The following ANO6 variants were observed in gnomAD, a reference collection of about 807,000 sequenced individuals.
The protein encoded by ANO6 is anoctamin-6.
Under a neutral mutation model 117.5 loss-of-function variants are expected in ANO6, and 106 were observed. That is an observed-to-expected ratio of 0.90 (90% CI 0.77 to 1.06). The LOEUF (loss-of-function observed/expected upper bound fraction) is 1.06. Among genes scored for constraint, ANO6 ranks in the 50% least tolerant of loss-of-function variants. ANO6 has a pLI of 0.00. For synonymous variants in ANO6, 367 were observed against 385.1 expected, an observed-to-expected ratio of 0.95 and a Z score of 0.55; for missense variants, 955 against 1,121.1, an observed-to-expected ratio of 0.85 and a Z score of 2.12.
intron 13 of ANO6, 56 bp from the exon 14 acceptor site, chr12:45,403,016 G>T (rs927069277): frequency 6.7e-7 from 1 of 1,498,374 alleles, no homozygotes; most frequent in Admixed American, 1.7e-5. Flanking sequence ...TTTTTTATTA[G>T]AGTCTCAAAG....
At chr12:45,332,793 T>C (rs1272941162) in intron 3 of ANO6, among the ~76,000 whole-genome samples, 1 of 152,012 alleles carries the variant, frequency 6.6e-6, no homozygotes, top group African/African-American at 2.4e-5. Context: ...AATATCAACA[T>C]AGATAAATGG....
intron 1 of ANO6, among the ~76,000 whole-genome samples, chr12:45,232,951 G>C (rs1947595350): frequency 6.6e-6 from 1 of 152,198 alleles, no homozygotes; most frequent in Non-Finnish European, 1.5e-5. Context: ...GAGGAAGAAA[G>C]AGAGGGAGCA....
At chr12:45,416,617 C>A in intron 16 of ANO6, 82 bp from the exon 17 acceptor site, 1 of 1,355,830 alleles carries the variant, frequency 7.4e-7, no homozygotes, top group Non-Finnish European at 1.0e-6. Context: ...AGTTCGTTTG[C>A]CTTTCTCTTT....
At chr12:45,395,609 C>T (rs758461113) in intron 12 of ANO6, among the ~76,000 whole-genome samples, 4 of 152,092 alleles carry the variant, frequency 2.6e-5, no homozygotes, top group Non-Finnish European at 5.9e-5. Context: ...ACTGGCAAAC[C>T]GAATCCAGCA....
intron 2 of ANO6, among the ~76,000 whole-genome samples, chr12:45,322,453 A>G (rs1940312378): frequency 6.6e-6 from 1 of 152,194 alleles, no homozygotes. Context: ...AATGTGGCCT[A>G]TAATCAGATT....
chr12:45,364,066 G>A (rs1941623414), intron 8 of ANO6, among the ~76,000 whole-genome samples: 1 of 152,204 alleles, frequency 6.6e-6, no homozygotes, highest in Non-Finnish European at 1.5e-5. Flanking sequence ...GGGTTTGCTG[G>A]ATATAGAATA....
intron 2 of ANO6, among the ~76,000 whole-genome samples, chr12:45,328,295 C>G (rs1288787189): frequency 6.6e-6 from 1 of 152,126 alleles, no homozygotes; most frequent in East Asian, 1.9e-4. Flanking sequence ...CTTTCCTCCC[C>G]ACCCCAGCTT....
At chr12:45,273,065 A>C (rs1938439813) in intron 1 of ANO6, among the ~76,000 whole-genome samples, 1 of 152,236 alleles carries the variant, frequency 6.6e-6, no homozygotes, top group Non-Finnish European at 1.5e-5. Context: ...CAGAAAGACA[A>C]ATACTGTTTG....
rs1013402926 is a variant in ANO6, at chr12:45,216,615, A to G, written c.70+224A>G. 2.6e-5 allele frequency among the ~76,000 whole-genome samples: 4 copies of G among 152,298 alleles called. No individual in the cohort carries two copies. The East Asian group carries it at 7.8e-4, about 30-fold the overall frequency. ...CGGGGCGCGTGGTGGCCCCGAGGAC[A>G]GGCTCCTGACGGGCGGGGGATGCTG... On this transcript the variant is annotated intron_variant, in intron 1 of 19. Coordinates refer to ENST00000320560, the MANE Select transcript of ANO6 (RefSeq NM_001025356.3).
intron 1 of ANO6, among the ~76,000 whole-genome samples, chr12:45,250,912 A>G (rs1404441157): frequency 6.6e-6 from 1 of 152,020 alleles, no homozygotes; most frequent in African/African-American, 2.4e-5. Flanking sequence ...CTGAGTTCAT[A>G]TAATAACAAA....
At chr12:45,295,505 G>A (rs987444941) in intron 1 of ANO6, among the ~76,000 whole-genome samples, 3 of 152,128 alleles carry the variant, frequency 2.0e-5, no homozygotes, top group African/African-American at 7.2e-5. Context: ...GAAGCGACGG[G>A]AAATGGTGGG....
At chr12:45,311,628 A>G (rs1939853893) in intron 2 of ANO6, among the ~76,000 whole-genome samples, 3 of 152,206 alleles carry the variant, frequency 2.0e-5, no homozygotes, top group Non-Finnish European at 4.4e-5. Context: ...ATTAAGACCC[A>G]TGAATAGAAG....
intron 19 of ANO6, among the ~76,000 whole-genome samples, chr12:45,424,170 C>G (rs1943435147): frequency 6.6e-6 from 1 of 151,876 alleles, no homozygotes; most frequent in African/African-American, 2.4e-5. Flanking sequence ...GATTGGCCTT[C>G]TCCTTTTGAT....
At chr12:45,331,897 G>C (rs927631899) in intron 3 of ANO6, among the ~76,000 whole-genome samples, 2 of 152,040 alleles carry the variant, frequency 1.3e-5, no homozygotes, top group African/African-American at 4.8e-5. Flanking sequence ...TGACCCTTAG[G>C]TTAGATGAAT....
chr12:45,287,705 G>C (rs776893173), intron 1 of ANO6, among the ~76,000 whole-genome samples: 1 of 152,166 alleles, frequency 6.6e-6, no homozygotes, highest in South Asian at 2.1e-4. Context: ...TTACTGAAGT[G>C]GGAAAGGCAA....
At chr12:45,418,269 T>C (rs1943264620) in intron 17 of ANO6, among the ~76,000 whole-genome samples, 1 of 152,168 alleles carries the variant, frequency 6.6e-6, no homozygotes, top group Non-Finnish European at 1.5e-5. Flanking sequence ...GAACCGTACA[T>C]TTATCTGAAT....
intron 1 of ANO6, among the ~76,000 whole-genome samples, chr12:45,298,897 C>T (rs958087077): frequency 6.6e-6 from 1 of 151,770 alleles, no homozygotes; most frequent in African/African-American, 2.4e-5. Context: ...GTCTGTTGAC[C>T]TTAGATAACA....
At chr12:45,360,079 C>T (rs1265031065) in intron 8 of ANO6, among the ~76,000 whole-genome samples, 1 of 152,170 alleles carries the variant, frequency 6.6e-6, no homozygotes, top group Non-Finnish European at 1.5e-5. Context: ...AAAATTTGTT[C>T]AAATCCCTTG....
At position 45,429,585 on chromosome 12, in the gene ANO6, T is replaced by G; in HGVS notation, c.*274T>G. 1 of 1,248,910 alleles carries G rather than the reference T, an allele frequency of 8.0e-7. No individual in the cohort carries two copies. Among genetic ancestry groups the G allele is most frequent in the Non-Finnish European group, 1.0e-6 (1 of 988,068 alleles). The allele number at this position is 1,248,910 out of a possible 1,614,324, so 77.4% of individuals were successfully genotyped here. On this transcript the variant is annotated 3_prime_UTR_variant, in exon 20 of 20. Transcript: ENST00000320560. ...ATTTTACAGAAAAAGTCCCTCAGTG[T>G]GCTTAAAAACCACCCCTTCTAAAGT...
Sources: gnomAD v4.1 joint callset for allele counts (sites outside exome capture counted in the v4.1 genomes callset) on GRCh38, gnomAD v4.1.1 for gene constraint, MANE v1.5 for transcripts, NCBI Gene and HGNC (gene_info 2026-07-23, HGNC 2026-07-21) for gene names.